Variants in DLGAP2 observed in about 807,000 individuals in gnomAD.
DLGAP2 encodes the protein disks large-associated protein 2.
A neutral mutation model predicts 100.3 loss-of-function variants in DLGAP2; 26 were observed. That is an observed-to-expected ratio of 0.26 (90% confidence interval 0.19 to 0.36). DLGAP2 has a LOEUF of 0.36. Among genes scored for constraint, DLGAP2 ranks in the 10% least tolerant of loss-of-function variants. The probability of loss-of-function intolerance (pLI) is 1.00; values close to 1 mark genes in which losing one functional copy is unlikely to be tolerated. For synonymous variants in DLGAP2, 886 were observed against 630.1 expected, an observed-to-expected ratio of 1.41 and a Z score of -6.08; for missense variants, 1,858 against 1,453.2, an observed-to-expected ratio of 1.28 and a Z score of -4.53.
chr8:1,091,734 C>G (rs1479330311), intron 2 of DLGAP2, among the ~76,000 whole-genome samples: 5 of 152,124 alleles, frequency 3.3e-5, no homozygotes, highest in Non-Finnish European at 7.3e-5. Context: ...TTGCGTGTCT[C>G]CCGTGGAAGC....
At chr8:1,312,534 G>C (rs1463138509) in intron 3 of DLGAP2, among the ~76,000 whole-genome samples, 1 of 152,162 alleles carries the variant, frequency 6.6e-6, no homozygotes, top group Non-Finnish European at 1.5e-5. Context: ...CTGGGGGCTT[G>C]GGGGAGAGGG....
chr8:1,568,122 T>C (rs372132061), intron 6 of DLGAP2, among the ~76,000 whole-genome samples: 1,444 of 81,392 alleles, frequency 0.018, no homozygotes, highest in Middle Eastern at 0.052. Context: ...CCACTGTCCA[T>C]TCAGCAGACA....
chr8:748,343 C>A (rs1820703480), intron 1 of DLGAP2, among the ~76,000 whole-genome samples: 1 of 151,932 alleles, frequency 6.6e-6, no homozygotes, highest in South Asian at 2.1e-4. Context: ...CTGGTGCTTT[C>A]TGTCTCTGTC....
rs7816699 is a variant in DLGAP2 at position 1,481,949 on chromosome 8, G to A, written c.107-19417G>A. Among the ~76,000 whole-genome samples the A allele has an allele frequency of 2.8e-4, 42 of 152,116 alleles. No homozygotes were observed. The East Asian group carries it at 6.8e-3, about 25-fold the overall frequency. ...ATCCTTCTGATGCCAGGGTCCCCCCGTGGAGAAGGGCCAGGTAGGAGGGGC... is the reference window on the plus strand; with the variant it reads ...ATCCTTCTGATGCCAGGGTCCCCCCATGGAGAAGGGCCAGGTAGGAGGGGC... On this transcript the variant is annotated intron_variant, in intron 3 of 14. Coordinates refer to ENST00000637795, the MANE Select transcript of DLGAP2 (RefSeq NM_001346810.2).
At position 1,128,317 on chromosome 8, in the gene DLGAP2, G is replaced by C. The variant is rs190657020; in HGVS notation, c.74-130534G>C. 1.1e-4 allele frequency among the ~76,000 whole-genome samples: 17 copies of C among 148,724 alleles called. No homozygotes were observed. The East Asian group carries it at 2.6e-3, about 22-fold the overall frequency. ...AGGACCTGCTCCTGGTGTTGTGTTC[G>C]GTGAGGACCTGCCCCCGGTGTTGTG... On this transcript the variant is annotated intron_variant, in intron 2 of 14. Coordinates refer to ENST00000637795, the MANE Select transcript of DLGAP2 (RefSeq NM_001346810.2).
At chr8:1,266,161 C>T (rs1799446171) in intron 3 of DLGAP2, among the ~76,000 whole-genome samples, 1 of 152,252 alleles carries the variant, frequency 6.6e-6, no homozygotes, top group Non-Finnish European at 1.5e-5. Flanking sequence ...TGGCCCCCAG[C>T]ATTCCCAACA....
intron 3 of DLGAP2, among the ~76,000 whole-genome samples, chr8:1,386,274 ACCAGAC>A (rs977834231): frequency 2.4e-4 from 36 of 152,300 alleles, no homozygotes; most frequent in Non-Finnish European, 2.4e-4. Flanking sequence ...TAGAAAAATC[ACCAGAC>A]CCAAAGTCGG....
intron 6 of DLGAP2, among the ~76,000 whole-genome samples, chr8:1,613,869 T>A (rs1476694489): frequency 6.6e-6 from 1 of 152,178 alleles, no homozygotes; most frequent in Admixed American, 6.5e-5. Flanking sequence ...ATTAGCAAAT[T>A]GAATTTTTTA....
chr8:1,176,257 C>G (rs1184204598), intron 2 of DLGAP2, among the ~76,000 whole-genome samples: 1 of 152,078 alleles, frequency 6.6e-6, no homozygotes, highest in African/African-American at 2.4e-5. Context: ...CGTGAGAATT[C>G]CCTCATTACC....
At chr8:945,779 C>T (rs1285676917) in intron 2 of DLGAP2, among the ~76,000 whole-genome samples, 1 of 152,100 alleles carries the variant, frequency 6.6e-6, no homozygotes, top group Non-Finnish European at 1.5e-5. Context: ...TGCTCTCTCT[C>T]TCACTCTCTC....
At chr8:1,412,009 A>G (rs1412187954) in intron 3 of DLGAP2, among the ~76,000 whole-genome samples, 1 of 152,212 alleles carries the variant, frequency 6.6e-6, no homozygotes, top group Non-Finnish European at 1.5e-5. Flanking sequence ...CACAGATGCC[A>G]TGGGCAGGTG....
intron 2 of DLGAP2, among the ~76,000 whole-genome samples, chr8:1,221,307 CTT>C (rs2116812084): frequency 6.6e-6 from 1 of 152,274 alleles, no homozygotes; most frequent in African/African-American, 2.4e-5. Flanking sequence ...AATGAATTAT[CTT>C]AGCATTTGTT....
At chr8:1,454,758 A>G (rs1798257425) in intron 3 of DLGAP2, among the ~76,000 whole-genome samples, 1 of 152,218 alleles carries the variant, frequency 6.6e-6, no homozygotes, top group African/African-American at 2.4e-5. Context: ...TCCTAGTCAC[A>G]GAACAGGCAG....
At chr8:1,211,296 G>A (rs369520750) in intron 2 of DLGAP2, among the ~76,000 whole-genome samples, 16 of 152,196 alleles carry the variant, frequency 1.1e-4, no homozygotes, top group African/African-American at 3.1e-4. Flanking sequence ...GTTAAAAGTG[G>A]GTCTAATCAG....
intron 2 of DLGAP2, among the ~76,000 whole-genome samples, chr8:955,843 T>C (rs912047796): frequency 6.6e-6 from 1 of 152,226 alleles, no homozygotes; most frequent in African/African-American, 2.4e-5. Flanking sequence ...CAGCTCTCTG[T>C]TCTCATCTGT....
At chr8:997,058 G>A (rs1584957521) in intron 2 of DLGAP2, among the ~76,000 whole-genome samples, 1 of 152,198 alleles carries the variant, frequency 6.6e-6, no homozygotes, top group Non-Finnish European at 1.5e-5. Context: ...AATAGAGAAA[G>A]TATAATATAC....
intron 3 of DLGAP2, among the ~76,000 whole-genome samples, chr8:1,283,368 A>G (rs187381961): frequency 3.0e-4 from 46 of 152,266 alleles, no homozygotes; most frequent in Admixed American, 2.2e-3. Context: ...CGTCCCCTCA[A>G]TGGCGCCCAG....
intron 2 of DLGAP2, among the ~76,000 whole-genome samples, chr8:1,160,091 C>T (rs1032082135): frequency 1.3e-5 from 2 of 152,266 alleles, no homozygotes; most frequent in Admixed American, 1.3e-4. Context: ...CCATCTCCCA[C>T]AGCCCGGAAG....
At chr8:909,734 C>T (rs1374848719) in intron 2 of DLGAP2, among the ~76,000 whole-genome samples, 1 of 152,114 alleles carries the variant, frequency 6.6e-6, no homozygotes, top group Non-Finnish European at 1.5e-5. Flanking sequence ...GAAGGAGTGG[C>T]TCCAGAGAAG....
Sources: allele counts gnomAD v4.1 joint callset (sites outside exome capture counted in the v4.1 genomes callset), GRCh38; gene constraint gnomAD v4.1.1; transcripts MANE v1.5; gene names NCBI Gene and HGNC (gene_info 2026-07-23, HGNC 2026-07-21).